ASIC2: variants seen among roughly 807,000 people sequenced by gnomAD.
ASIC2 encodes the protein acid-sensing ion channel 2.
A neutral mutation model predicts 57.3 loss-of-function variants in ASIC2; 25 were observed. That is an observed-to-expected ratio of 0.44 (90% CI 0.32 to 0.61). ASIC2 has a LOEUF of 0.61. Among genes scored for constraint, ASIC2 ranks in the 20% least tolerant of loss-of-function variants. The probability of loss-of-function intolerance (pLI) is 0.06; values close to 1 mark genes in which losing one functional copy is unlikely to be tolerated. For missense variants in ASIC2, 641 were observed against 738.1 expected, an observed-to-expected ratio of 0.87 and a Z score of 1.52; for synonymous variants, 319 against 307.5, an observed-to-expected ratio of 1.04 and a Z score of -0.39.
intron 1 of ASIC2, among the ~76,000 whole-genome samples, chr17:33,381,973 T>C (rs1310688712): frequency 6.6e-6 from 1 of 152,188 alleles, no homozygotes; most frequent in Non-Finnish European, 1.5e-5. Context: ...GTAATATATA[T>C]TTAATTGCTG....
At position 33,179,433 on chromosome 17, in the gene ASIC2, G is replaced by A. The variant is rs1239476866; in HGVS notation, c.709-67366C>T. On this transcript the variant is annotated intron_variant, in intron 1 of 9. Transcript: ENST00000225823. ...ATATGGATTCCTGAAAAGTTGGGCAGAAATCACAATGTTGTCAAAAGGATC... is the reference window on the plus strand; with the variant it reads ...ATATGGATTCCTGAAAAGTTGGGCAAAAATCACAATGTTGTCAAAAGGATC... Among the ~76,000 whole-genome samples, 3 of 152,214 alleles carry A rather than the reference G, an allele frequency of 2.0e-5. 1 individual carries two copies. The highest frequency in any genetic ancestry group is 7.2e-5 in the African/African-American group (3 of 41,460).
At chr17:33,865,759 T>A (rs79716085) in intron 1 of ASIC2, among the ~76,000 whole-genome samples, 362 of 121,626 alleles carry the variant, frequency 3.0e-3, no homozygotes, top group East Asian at 7.3e-3. Context: ...AAAAAAAAAA[T>A]AAAAAAAAAA....
intron 1 of ASIC2, among the ~76,000 whole-genome samples, chr17:34,027,125 T>C (rs1907405077): frequency 6.6e-6 from 1 of 152,028 alleles, no homozygotes; most frequent in Non-Finnish European, 1.5e-5. Flanking sequence ...AAAGTAAAAA[T>C]AAGAAAGGTG....
chr17:33,818,843 G>A (rs1410856832), intron 1 of ASIC2, among the ~76,000 whole-genome samples: 1 of 152,174 alleles, frequency 6.6e-6, no homozygotes, highest in Non-Finnish European at 1.5e-5. Context: ...GCCCTTGGCT[G>A]GTGTTTGTTC....
At chr17:34,057,854 T>C (rs1908826332) in intron 1 of ASIC2, among the ~76,000 whole-genome samples, 1 of 152,182 alleles carries the variant, frequency 6.6e-6, no homozygotes, top group African/African-American at 2.4e-5. Flanking sequence ...AACCAAAGTC[T>C]GTCTAACTCC....
In ASIC2 at chr17:33,800,438, A is replaced by G. The variant is rs184897867; in HGVS notation, c.555+355540T>C. Among the ~76,000 whole-genome samples the G allele has an allele frequency of 5.7e-3, 862 of 152,278 alleles. 8 individuals carry two copies. Among genetic ancestry groups the G allele is most frequent in the Non-Finnish European group, 9.7e-3 (659 of 68,016 alleles). Reference sequence around the variant, plus strand: ...GCCTTTGGTGTGTACGAATTCCCAAAAAAGTTGCACAAAGAACAGACACTG... The same window carrying G: ...GCCTTTGGTGTGTACGAATTCCCAAGAAAGTTGCACAAAGAACAGACACTG... On this transcript the variant is annotated intron_variant, in intron 1 of 9. Transcript: ENST00000359872.
intron 1 of ASIC2, among the ~76,000 whole-genome samples, chr17:33,163,007 G>T (rs1280331075): frequency 1.3e-5 from 2 of 152,170 alleles, no homozygotes; most frequent in Non-Finnish European, 2.9e-5. Context: ...GAGTCTACTG[G>T]CCTGTTCTTG....
At chr17:33,637,853 C>T (rs1158585836) in intron 1 of ASIC2, among the ~76,000 whole-genome samples, 2 of 152,146 alleles carry the variant, frequency 1.3e-5, no homozygotes, top group African/African-American at 2.4e-5. Context: ...AGTTATCACT[C>T]AAATAAGTCT....
chr17:34,110,222 T>C (rs903378703), intron 1 of ASIC2, among the ~76,000 whole-genome samples: 5 of 152,204 alleles, frequency 3.3e-5, no homozygotes, highest in Admixed American at 6.5e-5. Context: ...GGTGGGCTTA[T>C]GGGCTGAACA....
At chr17:33,163,821 C>A (rs1261228041) in intron 1 of ASIC2, among the ~76,000 whole-genome samples, 3 of 152,076 alleles carry the variant, frequency 2.0e-5, no homozygotes, top group African/African-American at 7.2e-5. Flanking sequence ...ATGGCAGGAC[C>A]TGTTGCAGTG....
chr17:33,617,366 G>A (rs1327313135), intron 1 of ASIC2, among the ~76,000 whole-genome samples: 1 of 152,214 alleles, frequency 6.6e-6, no homozygotes, highest in Non-Finnish European at 1.5e-5. Context: ...GATGAAGCTG[G>A]AGGCCATTAT....
intron 1 of ASIC2, chr17:34,155,562 CAG>C (rs1904684606): frequency 5.3e-6 from 1 of 188,970 alleles, no homozygotes; most frequent in East Asian, 1.7e-4. Flanking sequence ...CACTTCCGAG[CAG>C]AGAGAGACAC....
chr17:33,537,440 T>C (rs1391806541), intron 1 of ASIC2, among the ~76,000 whole-genome samples: 1 of 152,234 alleles, frequency 6.6e-6, no homozygotes, highest in East Asian at 1.9e-4. Flanking sequence ...GTTATGCATG[T>C]GTTCACTTGT....
rs887383493 is a variant in ASIC2, at chr17:33,259,968, T to C, written c.708+31440A>G. On this transcript the variant is annotated intron_variant, in intron 1 of 9. Transcript: ENST00000225823. Reference sequence around the variant, plus strand: ...CTCCAAGTGACTTTGGGACGCTCTATATTAAAGATGCTGAGGGATATTGGC... The same window carrying C: ...CTCCAAGTGACTTTGGGACGCTCTACATTAAAGATGCTGAGGGATATTGGC... Among the ~76,000 whole-genome samples, 5 of 152,090 alleles carry C rather than the reference T, an allele frequency of 3.3e-5. No homozygotes were observed. The East Asian group carries it at 5.8e-4, about 18-fold the overall frequency.
Position 33,325,030 on chromosome 17 carries a change from T to C in ASIC2, c.556-212963A>G, listed in dbSNP as rs137894033. Reference sequence around the variant, plus strand: ...AATGCTGACTTCTTTCCGGGCTCTGTGCTTGATGCTTTCCGCCTGACATGC... The same window carrying C: ...AATGCTGACTTCTTTCCGGGCTCTGCGCTTGATGCTTTCCGCCTGACATGC... On this transcript the variant is annotated intron_variant, in intron 1 of 9. Coordinates refer to the ASIC2 transcript ENST00000359872. Among the ~76,000 whole-genome samples the C allele has an allele frequency of 4.1e-4, 62 of 152,312 alleles. 1 individual carries two copies. In the East Asian group the frequency reaches 0.011, roughly 27 times the overall value.
At chr17:33,905,412 C>T (rs544131183) in intron 1 of ASIC2, among the ~76,000 whole-genome samples, 24 of 152,272 alleles carry the variant, frequency 1.6e-4, no homozygotes, top group Admixed American at 1.2e-3. Context: ...GGAAAATTCT[C>T]ATTCATCAGA....
intron 1 of ASIC2, among the ~76,000 whole-genome samples, chr17:33,579,051 C>T (rs924029502): frequency 2.0e-5 from 3 of 151,924 alleles, no homozygotes; most frequent in Non-Finnish European, 2.9e-5. Flanking sequence ...TTTGGGAGGT[C>T]GAAGCGGGTG....
At chr17:33,202,546 G>T (rs1906912022) in intron 1 of ASIC2, among the ~76,000 whole-genome samples, 1 of 152,192 alleles carries the variant, frequency 6.6e-6, no homozygotes, top group Non-Finnish European at 1.5e-5. Context: ...CCATCAAGGG[G>T]TGCAGCAGGG....
At chr17:34,097,988 G>A (rs776752535) in intron 1 of ASIC2, among the ~76,000 whole-genome samples, 2 of 152,182 alleles carry the variant, frequency 1.3e-5, no homozygotes, top group Non-Finnish European at 2.9e-5. Context: ...GAAGTTACCA[G>A]ATCTGATCAT....
Sources: gnomAD v4.1 joint callset for allele counts (sites outside exome capture counted in the v4.1 genomes callset) on GRCh38, gnomAD v4.1.1 for gene constraint, MANE v1.5 for transcripts, NCBI Gene and HGNC (gene_info 2026-07-23, HGNC 2026-07-21) for gene names.